UBE2E2: variants seen among roughly 807,000 people sequenced by gnomAD.
The protein encoded by UBE2E2 is ubiquitin conjugating enzyme E2 E2, also known as ubiquitin-conjugating enzyme E2 E2.
Under a neutral mutation model 24.7 loss-of-function variants are expected in UBE2E2, and 6 were observed. The ratio of observed to expected loss-of-function variants is 0.24; its 90% CI spans 0.13 to 0.48. UBE2E2 has a LOEUF of 0.48. Ranked by LOEUF, UBE2E2 falls within the 20% of genes least tolerant of loss-of-function variation. The pLI, the probability that UBE2E2 is intolerant of heterozygous loss-of-function variation, is 0.99. For synonymous variants in UBE2E2, 104 were observed against 83.6 expected (o/e 1.24, Z -1.33); for missense variants, 169 against 245.0 (o/e 0.69, Z 2.07).
At chr3:23,391,166 C>T (rs1406796762) in intron 3 of UBE2E2, among the ~76,000 whole-genome samples, 2 of 152,182 alleles carry the variant, frequency 1.3e-5, no homozygotes, top group Non-Finnish European at 2.9e-5. Flanking sequence ...TACCCAAAGT[C>T]ATACAGCCAG....
chr3:23,424,649 A>G (rs1217196703), intron 3 of UBE2E2, among the ~76,000 whole-genome samples: 2 of 152,146 alleles, frequency 1.3e-5, no homozygotes, highest in Non-Finnish European at 1.5e-5. Context: ...GAGCTAATGT[A>G]TTGTGTAAGA....
intron 3 of UBE2E2, among the ~76,000 whole-genome samples, chr3:23,339,109 T>C (rs192127064): frequency 4.6e-5 from 7 of 152,316 alleles, no homozygotes; most frequent in Non-Finnish European, 8.8e-5. Flanking sequence ...TTTTCTGATA[T>C]GATGTACTGA....
At chr3:23,347,279 A>G (rs1441453360) in intron 3 of UBE2E2, among the ~76,000 whole-genome samples, 5 of 152,234 alleles carry the variant, frequency 3.3e-5, no homozygotes, top group African/African-American at 1.2e-4. Flanking sequence ...CACTATTCGC[A>G]GTAGCAGAGA....
intron 3 of UBE2E2, among the ~76,000 whole-genome samples, chr3:23,394,052 G>A (rs533225085): frequency 1.1e-4 from 17 of 152,294 alleles, no homozygotes; most frequent in Admixed American, 3.3e-4. Context: ...AAAGCAGCAT[G>A]GGGAGTTTAA....
intron 5 of UBE2E2, among the ~76,000 whole-genome samples, chr3:23,557,830 C>G (rs142353188): frequency 7.8e-4 from 119 of 152,288 alleles, no homozygotes; most frequent in African/African-American, 2.8e-3. Flanking sequence ...GCAAGTCACT[C>G]TGTCACTGTA....
At chr3:23,584,400 G>A (rs938971864) in intron 5 of UBE2E2, among the ~76,000 whole-genome samples, 1 of 151,784 alleles carries the variant, frequency 6.6e-6, no homozygotes, top group African/African-American at 2.4e-5. Flanking sequence ...TTTCTAGGTG[G>A]GACTATAAAC....
Position 23,589,422 on chromosome 3 carries a change from C to T in UBE2E2, c.509-312C>T, listed in dbSNP as rs1386949951. On this transcript the variant is annotated intron_variant, in intron 5 of 5. Transcript: ENST00000396703. This position sits in a 1 kb window ranked among gnomAD's most constrained non-coding sequence, Gnocchi z 4.1. ...TGAGTGACAGAGCAACACCCTGTCT[C>T]AAAAGAAAAAAAAAAAAACCAATAC... Among the ~76,000 whole-genome samples the T allele has an allele frequency of 8.0e-6, 1 of 125,522 alleles. No homozygotes were observed. Among genetic ancestry groups the T allele is most frequent in the African/African-American group, 3.3e-5 (1 of 29,996 alleles). The allele number at this position is 125,522 out of a possible 152,430, so 82.3% of individuals were successfully genotyped here.
chr3:23,285,781 C>G (rs144651987), intron 3 of UBE2E2, among the ~76,000 whole-genome samples: 1 of 152,244 alleles, frequency 6.6e-6, no homozygotes, highest in African/African-American at 2.4e-5. Context: ...GCAACCTCTG[C>G]CTTTTGGGTT....
chr3:23,293,701 G>A (rs193120003), intron 3 of UBE2E2, among the ~76,000 whole-genome samples: 1 of 152,292 alleles, frequency 6.6e-6, no homozygotes, highest in Non-Finnish European at 1.5e-5. Context: ...ACTAATAACT[G>A]TCATAGCAGG....
chr3:23,380,598 A>G (rs775718248), intron 3 of UBE2E2, among the ~76,000 whole-genome samples: 9 of 152,278 alleles, frequency 5.9e-5, no homozygotes, highest in Non-Finnish European at 1.2e-4. Flanking sequence ...CTACAGTCAG[A>G]TGAAATCTTC....
chr3:23,390,925 A>G (rs951776524), intron 3 of UBE2E2, among the ~76,000 whole-genome samples: 1 of 152,208 alleles, frequency 6.6e-6, no homozygotes, highest in African/African-American at 2.4e-5. Flanking sequence ...TAATCATTCA[A>G]TTTGAATAAA....
At chr3:23,558,239 A>C (rs1212348336) in intron 5 of UBE2E2, among the ~76,000 whole-genome samples, 1 of 152,202 alleles carries the variant, frequency 6.6e-6, no homozygotes, top group East Asian at 1.9e-4. Flanking sequence ...TGCATGTTTC[A>C]TTCTCAGTCC....
chr3:23,336,461 A>G (rs971427863), intron 3 of UBE2E2, among the ~76,000 whole-genome samples: 2 of 152,242 alleles, frequency 1.3e-5, no homozygotes, highest in African/African-American at 4.8e-5. Flanking sequence ...ACATGATAGT[A>G]AAAGTTTTGT....
chr3:23,292,230 G>T (rs1258503121), intron 3 of UBE2E2, among the ~76,000 whole-genome samples: 2 of 152,104 alleles, frequency 1.3e-5, no homozygotes, highest in African/African-American at 4.8e-5. Context: ...TCTTGTGTCA[G>T]TCTCCCAAAG....
At chr3:23,481,826 A>G (rs1322426362) in intron 3 of UBE2E2, among the ~76,000 whole-genome samples, 2 of 152,258 alleles carry the variant, frequency 1.3e-5, no homozygotes, top group African/African-American at 4.8e-5. Context: ...GACAGGAATT[A>G]TTAAGGGATA....
At chr3:23,274,078 TA>T (rs889504602) in intron 3 of UBE2E2, among the ~76,000 whole-genome samples, 1 of 152,192 alleles carries the variant, frequency 6.6e-6, no homozygotes, top group Non-Finnish European at 1.5e-5. Flanking sequence ...GACTGTTGAT[TA>T]AAAAATTATT....
intron 4 of UBE2E2, among the ~76,000 whole-genome samples, chr3:23,527,676 A>G (rs545685629): frequency 2.0e-5 from 3 of 152,150 alleles, no homozygotes; most frequent in Non-Finnish European, 2.9e-5. Flanking sequence ...TTGATCACTA[A>G]TGACCAATGA....
intron 3 of UBE2E2, among the ~76,000 whole-genome samples, chr3:23,294,622 A>G (rs953081219): frequency 6.8e-6 from 1 of 147,668 alleles, no homozygotes; most frequent in Non-Finnish European, 1.5e-5. Flanking sequence ...TAGATATTTT[A>G]TTAGATATTT....
intron 3 of UBE2E2, among the ~76,000 whole-genome samples, chr3:23,249,615 A>T (rs1697515309): frequency 6.6e-6 from 1 of 152,072 alleles, no homozygotes; most frequent in Admixed American, 6.5e-5. Flanking sequence ...AGGTTATTTT[A>T]ATTTGATGGC....
Sources: gnomAD v4.1 joint callset for allele counts (sites outside exome capture counted in the v4.1 genomes callset) on GRCh38, gnomAD v4.1.1 for gene constraint, Gnocchi (gnomAD v3.1) non-coding constraint, MANE v1.5 for transcripts, NCBI Gene and HGNC (gene_info 2026-07-23, HGNC 2026-07-21) for gene names.